RELN: variants seen among roughly 807,000 people sequenced by gnomAD.
RELN encodes reelin.
In RELN, 108 loss-of-function variants were observed where a neutral mutation model predicts 427.6. The ratio of observed to expected loss-of-function variants is 0.25; its 90% CI spans 0.22 to 0.30. The LOEUF is 0.30. RELN is among the 10% of genes least tolerant of loss of function. The probability of loss-of-function intolerance (pLI) is 1.00; values close to 1 mark genes in which losing one functional copy is unlikely to be tolerated. For missense variants in RELN, 3,715 were observed against 4,302.8 expected, an observed-to-expected ratio of 0.86 and a Z score of 3.82; for synonymous variants, 1,524 against 1,513.4, an observed-to-expected ratio of 1.01 and a Z score of -0.16.
intron 2 of RELN, among the ~76,000 whole-genome samples, chr7:103,907,152 T>TC (rs1795224992): frequency 1.3e-5 from 2 of 151,636 alleles, no homozygotes; most frequent in Non-Finnish European, 2.9e-5. Context: ...GCGCGGTGGC[T>TC]CATGCATGTA....
At chr7:103,481,393 T>G (rs1828231385) in intron 63 of RELN, among the ~76,000 whole-genome samples, 1 of 152,222 alleles carries the variant, frequency 6.6e-6, no homozygotes, top group East Asian at 1.9e-4. Context: ...TAATGCTTTG[T>G]CAGGCACAGG....
chr7:103,871,507 A>G (rs1298093453), intron 2 of RELN, among the ~76,000 whole-genome samples: 1 of 152,100 alleles, frequency 6.6e-6, no homozygotes, highest in Middle Eastern at 3.2e-3. Flanking sequence ...TATTAATAGG[A>G]CAGTCATGGA....
At chr7:103,714,890 T>G (rs927618904) in intron 8 of RELN, among the ~76,000 whole-genome samples, 2 of 152,188 alleles carry the variant, frequency 1.3e-5, no homozygotes, top group African/African-American at 4.8e-5. Flanking sequence ...TACTCTTGGA[T>G]CTGTCAAGAA....
At chr7:103,836,460 T>C (rs1340067518) in intron 2 of RELN, among the ~76,000 whole-genome samples, 2 of 152,196 alleles carry the variant, frequency 1.3e-5, no homozygotes, top group African/African-American at 4.8e-5. Context: ...TCCATCATCA[T>C]AGAAAGCTCT....
intron 46 of RELN, among the ~76,000 whole-genome samples, chr7:103,529,572 G>A (rs1829895639): frequency 6.6e-6 from 1 of 152,024 alleles, no homozygotes; most frequent in Non-Finnish European, 1.5e-5. Context: ...GTAAGGTGGA[G>A]GAGGCAGATT....
chr7:103,743,289 T>C (rs1002403230), intron 6 of RELN, among the ~76,000 whole-genome samples: 1 of 152,112 alleles, frequency 6.6e-6, no homozygotes, highest in Admixed American at 6.5e-5. Flanking sequence ...GAACAACCGG[T>C]ACCAGCCACT....
In RELN at chr7:103,833,213, C is replaced by G. The variant is rs754607832; in HGVS notation, c.473+324G>C. Among the ~76,000 whole-genome samples the G allele has an allele frequency of 1.0e-3, 158 of 152,160 alleles. 2 individuals carry two copies. Among genetic ancestry groups the G allele is most frequent in the Admixed American group, 5.5e-3 (84 of 15,266 alleles). On this transcript the variant is annotated intron_variant, in intron 3 of 64. Transcript: ENST00000428762. ...CCAAATTTACTTCTCCTAACTGACA[C>G]TTGGTACCCTTTAAAAAATTTCTCC...
chr7:103,987,178 A>G (rs1797120464), intron 1 of RELN, among the ~76,000 whole-genome samples: 1 of 152,164 alleles, frequency 6.6e-6, no homozygotes, highest in Non-Finnish European at 1.5e-5. Context: ...ATCTGACACA[A>G]TTCTCAAAGC....
intron 20 of RELN, among the ~76,000 whole-genome samples, chr7:103,616,983 C>T (rs964787212): frequency 1.3e-5 from 2 of 152,152 alleles, no homozygotes; most frequent in Admixed American, 6.6e-5. Flanking sequence ...TCAAGCTGCC[C>T]TCCAAAAAGA....
chr7:103,824,627 A>AGTGTGTGTGTGTCTGT lies in RELN; in HGVS notation c.473+8909_473+8910insACAGACACACACACAC, dbSNP rs1793087220. ...GTGTTTTCACTTTCTTTCAAAACAG[A>AGTGTGTGTGTGTCTGT]GTGTGTGTGTGTGTGTGTGTGTGTG... is the stretch of plus-strand genomic sequence containing the variant. On this transcript the variant is annotated intron_variant, in intron 3 of 64. Transcript: ENST00000428762. The surrounding 1 kb of genome is among the most constrained non-coding windows in gnomAD (Gnocchi z 4.4). Among the ~76,000 whole-genome samples, 1 of 130,896 alleles carries AGTGTGTGTGTGTCTGT rather than the reference A, an allele frequency of 7.6e-6. No individual in the cohort carries two copies. The highest frequency in any genetic ancestry group is 1.6e-5 in the Non-Finnish European group (1 of 63,096). 85.9% of individuals were successfully genotyped at this position (130,896 alleles called of 152,430 possible).
At chr7:103,897,517 ATTAAACG>A (rs1283794985) in intron 2 of RELN, among the ~76,000 whole-genome samples, 1 of 152,042 alleles carries the variant, frequency 6.6e-6, no homozygotes, top group Non-Finnish European at 1.5e-5. Flanking sequence ...ATATTACTTC[ATTAAACG>A]TTAGTTAAAC....
intron 34 of RELN, among the ~76,000 whole-genome samples, chr7:103,564,817 CTCTTGAA>C: frequency 6.6e-6 from 1 of 152,120 alleles, no homozygotes; most frequent in East Asian, 1.9e-4. Flanking sequence ...GTCAGTACAA[CTCTTGAA>C]TGTGATCTGA....
chr7:103,510,929 A>G lies in RELN; in HGVS notation c.8196T>C (p.Cys2732=). The change falls in exon 51 of 65, where the codon TGT becomes TGC. Residue 2732 remains cysteine, a synonymous_variant. Transcript: ENST00000428762. ...ACACCTCCCGTCCATCATGACTGCC[A>G]CAGAGCATCACACCATCAGGGGAGT... ...FCDSPDGVML[C]GSHDGREVYA... The G allele has an allele frequency of 6.2e-7, 1 of 1,612,542 alleles. No homozygotes were observed. The highest frequency in any genetic ancestry group is 8.5e-7 in the Non-Finnish European group (1 of 1,178,546).
chr7:103,588,469 T>C (rs191957309), intron 28 of RELN, among the ~76,000 whole-genome samples: 3 of 152,260 alleles, frequency 2.0e-5, no homozygotes, highest in Admixed American at 1.3e-4. Flanking sequence ...ATAAATTCAA[T>C]GCTTGATAGC....
intron 2 of RELN, among the ~76,000 whole-genome samples, chr7:103,867,054 C>T (rs956447176): frequency 6.6e-6 from 1 of 152,050 alleles, no homozygotes; most frequent in African/African-American, 2.4e-5. Context: ...AAAAATGAGA[C>T]CTGTTAAGAC....
chr7:103,950,961 C>T lies in RELN; in HGVS notation c.227-33776G>A, dbSNP rs113063516. Among the ~76,000 whole-genome samples, 437 of 152,286 alleles carry T rather than the reference C, an allele frequency of 2.9e-3. 3 individuals are homozygous for T. The highest frequency in any genetic ancestry group is 0.01 in the African/African-American group (420 of 41,558). On this transcript the variant is annotated intron_variant, in intron 1 of 64. Transcript: ENST00000428762. The stretch of plus-strand genomic sequence containing the variant: ...TGTTGTTGTTTGAGACAGAGTCTCG[C>T]TCTGTCGCCCAGGCTGGAGTGCAGT...
At chr7:103,877,490 A>G (rs1270004264) in intron 2 of RELN, among the ~76,000 whole-genome samples, 2 of 151,982 alleles carry the variant, frequency 1.3e-5, no homozygotes, top group African/African-American at 4.8e-5. Context: ...AAGTATATGC[A>G]CTTCTCTCTA....
chr7:103,938,832 A>G (rs1584385034), intron 1 of RELN, among the ~76,000 whole-genome samples: 1 of 152,212 alleles, frequency 6.6e-6, no homozygotes, highest in Non-Finnish European at 1.5e-5. Context: ...ATTTTTCTCG[A>G]AAACAGTTAT....
rs112432097 is a variant in RELN at position 103,810,635 on chromosome 7, T to TGGA, written c.473+22899_473+22901dup. Among the ~76,000 whole-genome samples the TGGA allele has an allele frequency of 7.4e-3, 1,133 of 152,154 alleles. 20 individuals are homozygous for TGGA. Among genetic ancestry groups the TGGA allele is most frequent in the African/African-American group, 0.026 (1,088 of 41,516 alleles). On this transcript the variant is annotated intron_variant, in intron 3 of 64. Coordinates refer to ENST00000428762, the MANE Select transcript of RELN (RefSeq NM_005045.4). ...TTAGTGCTCCTGGTTGCAGCACTGC[T>TGGA]GGAGACAGATTACCCTTCCTTGCAG...
Sources: allele counts gnomAD v4.1 joint callset (sites outside exome capture counted in the v4.1 genomes callset), GRCh38; gene constraint gnomAD v4.1.1; non-coding constraint Gnocchi (gnomAD v3.1); transcripts MANE v1.5; gene names NCBI Gene and HGNC (gene_info 2026-07-23, HGNC 2026-07-21).